The following CLASP2 variants were observed in gnomAD, a reference collection of about 807,000 sequenced individuals.
CLASP2 encodes cytoplasmic linker associated protein 2.
CLASP2 carries 47 observed loss-of-function variants against 194.4 expected under a neutral mutation model. The observed-to-expected ratio is 0.24, with a 90% CI of 0.19 to 0.31. CLASP2 has a LOEUF of 0.31. Among genes scored for constraint, CLASP2 ranks in the 10% least tolerant of loss-of-function variants. The pLI is 1.00. For synonymous variants in CLASP2, 619 were observed against 633.5 expected, an observed-to-expected ratio of 0.98 and a Z score of 0.34; for missense variants, 1,445 against 1,823.6, an observed-to-expected ratio of 0.79 and a Z score of 3.78.
chr3:33,522,212 T>C lies in CLASP2; in HGVS notation c.3788-5038A>G, dbSNP rs2053318887. Among the ~76,000 whole-genome samples, 3 of 152,178 alleles carry C rather than the reference T, an allele frequency of 2.0e-5. No individual in the cohort carries two copies. In the South Asian group the frequency reaches 6.2e-4, roughly 31 times the overall value. The stretch of plus-strand genomic sequence containing the variant: ...CCCCTCCTTTTTCATTTTTCTCTTT[T>C]TCCTTTTTGGGAGCCAGACATTAAA... On this transcript the variant is annotated intron_variant, in intron 34 of 38. Transcript: ENST00000682230.
intron 36 of CLASP2, among the ~76,000 whole-genome samples, chr3:33,512,588 AC>A (rs2050189283): frequency 7.0e-6 from 1 of 143,418 alleles, no homozygotes; most frequent in African/African-American, 2.6e-5. Flanking sequence ...AAAAAAAAGA[AC>A]ACGTAAAAAT....
At chr3:33,604,854 T>C (rs2073374446) in intron 16 of CLASP2, among the ~76,000 whole-genome samples, 1 of 152,204 alleles carries the variant, frequency 6.6e-6, no homozygotes, top group Non-Finnish European at 1.5e-5. Context: ...TTTTCACTTG[T>C]ATCCTGAGAT....
intron 34 of CLASP2, among the ~76,000 whole-genome samples, chr3:33,523,747 T>C (rs1475972607): frequency 6.6e-6 from 1 of 152,188 alleles, no homozygotes; most frequent in African/African-American, 2.4e-5. Context: ...GAGACTAATA[T>C]AGTAAAAGAC....
At chr3:33,692,749 T>C (rs1019013523) in intron 2 of CLASP2, among the ~76,000 whole-genome samples, 3 of 152,182 alleles carry the variant, frequency 2.0e-5, no homozygotes, top group African/African-American at 4.8e-5. Context: ...TCAACAAATA[T>C]TTATTGGGTA....
chr3:33,701,519 C>T (rs1238034748), intron 1 of CLASP2, among the ~76,000 whole-genome samples: 1 of 152,156 alleles, frequency 6.6e-6, no homozygotes, highest in Non-Finnish European at 1.5e-5. Context: ...TTGCTTGAGC[C>T]CAAAAGTTTG....
intron 7 of CLASP2, among the ~76,000 whole-genome samples, chr3:33,658,269 C>T (rs1440731799): frequency 6.6e-6 from 1 of 152,122 alleles, no homozygotes; most frequent in South Asian, 2.1e-4. Flanking sequence ...ACTCTGAACA[C>T]TTCACAGAGT....
At chr3:33,501,797 C>G (rs780585522) in intron 37 of CLASP2, 29 bp from the exon 38 acceptor site, 1 of 1,392,778 alleles carries the variant, frequency 7.2e-7, no homozygotes, top group South Asian at 1.2e-5. Context: ...TGTTAGTACT[C>G]CAGAGAAGTC....
In CLASP2 at chr3:33,562,100, T is replaced by C. The variant is rs1471851368; in HGVS notation, c.2767-1129A>G. Among the ~76,000 whole-genome samples the C allele has an allele frequency of 2.6e-5, 4 of 152,214 alleles. No homozygotes were observed. The East Asian group carries it at 5.8e-4, about 22-fold the overall frequency. ...TCAGAATTATAATTAAGCTTCAACA[T>C]TTAAACTGAGTTAAAAATAAAAATA... On this transcript the variant is annotated intron_variant, in intron 27 of 38. Transcript: ENST00000682230.
intron 15 of CLASP2, 54 bp downstream of exon 15, chr3:33,607,330 C>T (rs1265638943): frequency 6.7e-6 from 8 of 1,198,184 alleles, no homozygotes; most frequent in Non-Finnish European, 9.3e-6. Flanking sequence ...TCTCCTAATA[C>T]ATTTTTTTTT....
chr3:33,608,050 C>T (rs55810211), intron 14 of CLASP2, among the ~76,000 whole-genome samples: 24,248 of 152,048 alleles, frequency 0.16, 2,296 homozygotes, highest in Admixed American at 0.29. Flanking sequence ...AGAAATATAG[C>T]CATGCAAATA....
rs2072780790 is a variant in CLASP2, at chr3:33,603,229, AC to A, written c.1751-105del. The A allele has an allele frequency of 9.5e-6, 12 of 1,258,910 alleles. No individual in the cohort carries two copies. In the South Asian group the frequency reaches 1.6e-4, roughly 17 times the overall value. 78.0% of individuals were successfully genotyped at this position (1,258,910 alleles called of 1,614,324 possible). ...GAGCTAATCTGATGACAAATGGTCA[AC>A]AAAAAGGCTGTGGCCAAATGGACAG... On this transcript the variant is annotated intron_variant, in intron 17 of 38. Coordinates refer to ENST00000682230, the MANE Select transcript of CLASP2 (RefSeq NM_001365631.1).
At chr3:33,678,926 A>T (rs572877500) in intron 6 of CLASP2, among the ~76,000 whole-genome samples, 1 of 152,316 alleles carries the variant, frequency 6.6e-6, no homozygotes, top group East Asian at 1.9e-4. Context: ...CAATTTTAAA[A>T]TTTATAGGGA....
At chr3:33,710,723 T>C (rs992139406) in intron 1 of CLASP2, among the ~76,000 whole-genome samples, 1 of 152,188 alleles carries the variant, frequency 6.6e-6, no homozygotes, top group Non-Finnish European at 1.5e-5. Flanking sequence ...TCACCACAGG[T>C]CAGGAGTTTG....
intron 7 of CLASP2, chr3:33,659,091 C>T: frequency 6.7e-7 from 1 of 1,501,274 alleles, no homozygotes; most frequent in Admixed American, 2.2e-5. Context: ...AGCCTGCAGA[C>T]ACCCGGAGCA....
chr3:33,610,262 C>T (rs548128067), intron 13 of CLASP2, among the ~76,000 whole-genome samples: 65 of 152,180 alleles, frequency 4.3e-4, no homozygotes, highest in Non-Finnish European at 8.2e-4. Flanking sequence ...GTCAAAGATT[C>T]CTACTATCTA....
At chr3:33,535,779 T>C (rs2057209494) in intron 33 of CLASP2, among the ~76,000 whole-genome samples, 1 of 152,130 alleles carries the variant, frequency 6.6e-6, no homozygotes, top group Admixed American at 6.5e-5. Flanking sequence ...AACTTCTCCA[T>C]GTCAGTTAAA....
intron 36 of CLASP2, among the ~76,000 whole-genome samples, chr3:33,513,291 C>A (rs1224849988): frequency 1.3e-5 from 2 of 152,150 alleles, no homozygotes; most frequent in Non-Finnish European, 2.9e-5. Context: ...GTAATCCCAG[C>A]ACTCTGGGAG....
chr3:33,645,132 T>C (rs2082065139), intron 7 of CLASP2: 1 of 692,068 alleles, frequency 1.4e-6, no homozygotes, highest in Non-Finnish European at 2.6e-6. Flanking sequence ...TACTTATACA[T>C]ATTAAGTCAA....
At chr3:33,672,677 G>C (rs2087582032) in intron 6 of CLASP2, among the ~76,000 whole-genome samples, 1 of 152,152 alleles carries the variant, frequency 6.6e-6, no homozygotes, top group South Asian at 2.1e-4. Context: ...CAAAGGCAAA[G>C]AAGTTAAAAA....
Sources: gnomAD v4.1 joint callset for allele counts (sites outside exome capture counted in the v4.1 genomes callset) on GRCh38, gnomAD v4.1.1 for gene constraint, MANE v1.5 for transcripts, NCBI Gene and HGNC (gene_info 2026-07-23, HGNC 2026-07-21) for gene names.